CLIC5: variants seen among roughly 807,000 people sequenced by gnomAD.
CLIC5 encodes the protein CLIC family member 5, also known as chloride intracellular channel protein 5.
CLIC5 carries 20 observed loss-of-function variants against 24.7 expected under a neutral mutation model. That is an observed-to-expected ratio of 0.81 (90% confidence interval 0.57 to 1.18). CLIC5 has a LOEUF of 1.18. Ranked by LOEUF, CLIC5 falls within the 50% of genes most tolerant of loss-of-function variation. CLIC5 has a pLI of 0.00. For synonymous variants in CLIC5, 159 were observed against 135.6 expected (o/e 1.17, Z -1.20); for missense variants, 341 against 326.1 (o/e 1.05, Z -0.35).
At chr6:46,002,238 T>C (rs1431124152) in intron 1 of CLIC5, among the ~76,000 whole-genome samples, 1 of 133,554 alleles carries the variant, frequency 7.5e-6, no homozygotes, top group East Asian at 2.1e-4. Context: ...GAATAGTCTG[T>C]AATTTTTTTT....
intron 1 of CLIC5, among the ~76,000 whole-genome samples, chr6:45,986,702 G>A (rs1765749938): frequency 6.6e-6 from 1 of 152,228 alleles, no homozygotes. Flanking sequence ...AAGTTATGAA[G>A]TCCTGTTTGG....
intron 4 of CLIC5, 52 bp from the exon 5 acceptor site, chr6:45,914,461 C>T: frequency 6.6e-7 from 1 of 1,515,990 alleles, no homozygotes; most frequent in South Asian, 1.3e-5. Context: ...CCAGTGGATA[C>T]AGTCATAGGG....
chr6:45,995,628 G>A (rs983520419), intron 1 of CLIC5, among the ~76,000 whole-genome samples: 2 of 152,152 alleles, frequency 1.3e-5, no homozygotes, highest in Admixed American at 1.3e-4. Flanking sequence ...ATATCCTAAT[G>A]AGACATTTAG....
In CLIC5 at chr6:45,914,398, C is replaced by G. The variant is rs780612583; in HGVS notation, c.418G>C (p.Gly140Arg). 1.3e-6 allele frequency: 2 copies of G among 1,570,192 alleles called. No individual in the cohort carries two copies. Among genetic ancestry groups the G allele is most frequent in the South Asian group, 2.3e-5 (2 of 86,692 alleles). ...AATTTCTTTAGAGCCTTGGTTAGGC[C>G]TCTTTCAAGAGCTGGCATGAAAGAG... ...KQQNNAALERGLTKALKKLDD... is the reference protein window; with the variant it reads ...KQQNNAALERRLTKALKKLDD... The change falls in exon 5 of 6, where the codon GGC becomes CGC. Residue 140 changes from glycine (G) to arginine (R), a missense_variant. Coordinates refer to ENST00000339561, the MANE Select transcript of CLIC5 (RefSeq NM_016929.5).
At chr6:46,023,855 G>T (rs1210765508) in intron 1 of CLIC5, among the ~76,000 whole-genome samples, 2 of 151,170 alleles carry the variant, frequency 1.3e-5, no homozygotes, top group Admixed American at 1.3e-4. Context: ...TAAAAACCTT[G>T]GACGGAGTCC....
At chr6:46,024,868 A>G (rs1312149343) in intron 1 of CLIC5, among the ~76,000 whole-genome samples, 1 of 152,196 alleles carries the variant, frequency 6.6e-6, no homozygotes, top group East Asian at 1.9e-4. Context: ...AAAAGTATTA[A>G]AGTTCTAAAT....
upstream of CLIC5, among the ~76,000 whole-genome samples, chr6:46,019,709 A>G (rs931220600): frequency 1.1e-4 from 16 of 148,386 alleles, no homozygotes; most frequent in Non-Finnish European, 1.6e-4. Flanking sequence ...AAAAAAAAAA[A>G]AAAGAAAGCT....
At chr6:45,886,630 C>G (rs1197146228) in intron 6 of CLIC5, among the ~76,000 whole-genome samples, 1 of 152,170 alleles carries the variant, frequency 6.6e-6, no homozygotes, top group African/African-American at 2.4e-5. Context: ...GAAAGGAAAT[C>G]TGAAGGAAGA....
intron 1 of CLIC5, among the ~76,000 whole-genome samples, chr6:45,982,702 T>C (rs527445904): frequency 8.5e-5 from 13 of 152,242 alleles, no homozygotes; most frequent in South Asian, 4.1e-4. Flanking sequence ...GAAACGTTAT[T>C]ATGTGGTATG....
At chr6:45,963,994 G>T (rs1196826770) in intron 1 of CLIC5, among the ~76,000 whole-genome samples, 1 of 152,186 alleles carries the variant, frequency 6.6e-6, no homozygotes, top group Non-Finnish European at 1.5e-5. Context: ...AAGTACTCAA[G>T]AAATGTAAGA....
chr6:45,901,248 A>C lies in CLIC5; in HGVS notation c.*1840T>G, dbSNP rs1762504342. 1 of 152,068 alleles carries C rather than the reference A, an allele frequency of 6.6e-6. No individual in the cohort carries two copies. The highest frequency in any genetic ancestry group is 1.5e-5 in the Non-Finnish European group (1 of 68,004). The allele number at this position is 152,068 out of a possible 1,614,324, so 9.4% of individuals were successfully genotyped here. A position where few individuals can be genotyped will look rare whatever the true frequency, so the allele number is the denominator to read the frequency against. Reference sequence around the variant, plus strand: ...GCACAATTTCCAGGGGGACCTGGAAAGGTTCCTTTTGAGGTGGAAATGAAT... The same window carrying C: ...GCACAATTTCCAGGGGGACCTGGAACGGTTCCTTTTGAGGTGGAAATGAAT... On this transcript the variant is annotated 3_prime_UTR_variant, in exon 6 of 6. Coordinates refer to ENST00000339561, the MANE Select transcript of CLIC5 (RefSeq NM_016929.5).
At position 45,925,117 on chromosome 6, in the gene CLIC5, G is replaced by A. The variant is rs1005394809; in HGVS notation, c.407-10708C>T. The stretch of plus-strand genomic sequence containing the variant: ...CTGGACTTCTTGTCATGTGAGAAAA[G>A]CAAATTCCTCTTAAGAAGTAAACAT... On this transcript the variant is annotated intron_variant, in intron 4 of 5. Coordinates refer to ENST00000339561, the MANE Select transcript of CLIC5 (RefSeq NM_016929.5). 2.0e-5 allele frequency among the ~76,000 whole-genome samples: 3 copies of A among 152,270 alleles called. No homozygotes were observed. The South Asian group carries it at 6.2e-4, about 32-fold the overall frequency.
At chr6:46,052,347 A>G (rs894655778) in intron 1 of CLIC5, among the ~76,000 whole-genome samples, 1 of 152,222 alleles carries the variant, frequency 6.6e-6, no homozygotes, top group Non-Finnish European at 1.5e-5. Context: ...CTGTCTGCAG[A>G]TTATCCTGAG....
At position 46,027,827 on chromosome 6, in the gene CLIC5, G is replaced by A. The variant is rs536247985; in HGVS notation, c.540+51876C>T. ...AGAAGGCCAGGACTTGTGGAGGATG[G>A]GAGAAACCTCTCCCAAAGGCTGATA... On this transcript the variant is annotated intron_variant, in intron 1 of 5. Transcript: ENST00000185206. 5.7e-4 allele frequency among the ~76,000 whole-genome samples: 87 copies of A among 152,218 alleles called. 1 individual carries two copies. Among genetic ancestry groups the A allele is most frequent in the African/African-American group, 2.0e-3 (85 of 41,534 alleles).
intron 1 of CLIC5, among the ~76,000 whole-genome samples, chr6:45,966,132 T>G (rs1007131605): frequency 3.9e-5 from 6 of 152,220 alleles, no homozygotes; most frequent in Non-Finnish European, 7.3e-5. Context: ...CAATAATCAC[T>G]CATGAATCCC....
At chr6:46,087,737 A>G in the CLIC5 span, among the ~76,000 whole-genome samples, 1 of 152,170 alleles carries the variant, frequency 6.6e-6, no homozygotes, top group Admixed American at 6.5e-5. Context: ...CTGATACCTG[A>G]TATCCAAATA....
At chr6:45,992,191 T>G (rs1171612419) in intron 1 of CLIC5, among the ~76,000 whole-genome samples, 2 of 152,216 alleles carry the variant, frequency 1.3e-5, no homozygotes. Flanking sequence ...AATCTGACTC[T>G]GCCTTGGGGA....
At chr6:46,023,391 G>C (rs957375318) in intron 1 of CLIC5, among the ~76,000 whole-genome samples, 1 of 152,320 alleles carries the variant, frequency 6.6e-6, no homozygotes, top group East Asian at 1.9e-4. Flanking sequence ...AGGTCATGTG[G>C]ATAGTTATAA....
intron 1 of CLIC5, among the ~76,000 whole-genome samples, chr6:45,969,796 G>GT (rs397779323): frequency 0.29 from 30,886 of 105,158 alleles, 5,436 homozygotes; most frequent in African/African-American, 0.42. Flanking sequence ...TCACATCAAG[G>GT]TTTTTTTTTT....
Sources: allele counts gnomAD v4.1 joint callset (sites outside exome capture counted in the v4.1 genomes callset), GRCh38; gene constraint gnomAD v4.1.1; transcripts MANE v1.5; gene names NCBI Gene and HGNC (gene_info 2026-07-23, HGNC 2026-07-21).